ADAMTS3: variants seen among roughly 807,000 people sequenced by gnomAD.
ADAMTS3 encodes ADAM metallopeptidase with thrombospondin type 1 motif 3, also known as A disintegrin and metalloproteinase with thrombospondin motifs 3.
A neutral mutation model predicts 129.0 loss-of-function variants in ADAMTS3; 73 were observed. The observed-to-expected ratio is 0.57, with a 90% CI of 0.47 to 0.69. The LOEUF (loss-of-function observed/expected upper bound fraction) is 0.69, where lower values mean the gene tolerates loss of function less well. Ranked by LOEUF, ADAMTS3 falls within the 30% of genes least tolerant of loss-of-function variation. The pLI is 0.00. For missense variants in ADAMTS3, 1,457 were observed against 1,514.5 expected (o/e 0.96, Z 0.63); for synonymous variants, 477 against 510.8 (o/e 0.93, Z 0.89).
intron 2 of ADAMTS3, among the ~76,000 whole-genome samples, chr4:72,550,838 G>A (rs935583713): frequency 6.6e-6 from 1 of 152,154 alleles, no homozygotes; most frequent in Non-Finnish European, 1.5e-5. Context: ...TCAAGCCCTT[G>A]TATGTGTACT....
intron 20 of ADAMTS3, among the ~76,000 whole-genome samples, chr4:72,290,487 G>C (rs1476593807): frequency 2.6e-5 from 4 of 152,138 alleles, no homozygotes; most frequent in Non-Finnish European, 4.4e-5. Flanking sequence ...ACTCGAACTG[G>C]GACAAAGAGT....
intron 4 of ADAMTS3, among the ~76,000 whole-genome samples, chr4:72,382,574 C>T (rs1417668774): frequency 2.6e-5 from 4 of 152,114 alleles, no homozygotes; most frequent in African/African-American, 9.7e-5. Context: ...CAAGAAGATA[C>T]CTAAACCTGT....
intron 4 of ADAMTS3, among the ~76,000 whole-genome samples, chr4:72,346,117 A>T (rs768522564): frequency 1.3e-5 from 2 of 152,130 alleles, no homozygotes; most frequent in African/African-American, 2.4e-5. Flanking sequence ...ATTATTTCAA[A>T]ATGGTTACAC....
At chr4:72,440,590 C>A (rs1017908648) in intron 3 of ADAMTS3, among the ~76,000 whole-genome samples, 1 of 151,782 alleles carries the variant, frequency 6.6e-6, no homozygotes, top group Non-Finnish European at 1.5e-5. Context: ...CAGCACCTGG[C>A]CCAAAGCAGA....
chr4:72,318,724 G>T lies in ADAMTS3; in HGVS notation c.1353-20C>A. The T allele has an allele frequency of 6.2e-7, 1 of 1,606,134 alleles. No individual in the cohort carries two copies. The highest frequency in any genetic ancestry group is 2.2e-5 in the East Asian group (1 of 44,660). On this transcript the variant is annotated intron_variant, in intron 9 of 21. Transcript: ENST00000286657. ...TAGGAACTGTAGGAAGAAAAATATT[G>T]CATGTAGTTAAATGTTCACTTAAAA...
At chr4:72,384,405 G>A (rs1442639081) in intron 4 of ADAMTS3, among the ~76,000 whole-genome samples, 1 of 152,108 alleles carries the variant, frequency 6.6e-6, no homozygotes, top group Non-Finnish European at 1.5e-5. Context: ...AGAAGATCTT[G>A]AAAGGAGTTA....
At chr4:72,480,547 G>A (rs1349238086) in intron 3 of ADAMTS3, among the ~76,000 whole-genome samples, 1 of 151,828 alleles carries the variant, frequency 6.6e-6, no homozygotes, top group Non-Finnish European at 1.5e-5. Context: ...GACTGTTGTG[G>A]GGTCGGGGGA....
intron 18 of ADAMTS3, 21 bp from the exon 19 acceptor site, chr4:72,295,807 C>A (rs756920356): frequency 1.2e-6 from 2 of 1,606,552 alleles, no homozygotes; most frequent in Admixed American, 1.7e-5. Context: ...AAATAAAGTT[C>A]TTTGGATTTA....
intron 3 of ADAMTS3, among the ~76,000 whole-genome samples, chr4:72,479,555 A>C (rs930367764): frequency 1.3e-5 from 2 of 152,222 alleles, no homozygotes; most frequent in African/African-American, 4.8e-5. Flanking sequence ...AAGATGGATT[A>C]AAGACTTAAA....
chr4:72,507,199 C>T (rs952477484), intron 3 of ADAMTS3, among the ~76,000 whole-genome samples: 1 of 152,156 alleles, frequency 6.6e-6, no homozygotes, highest in African/African-American at 2.4e-5. Flanking sequence ...AACTACAAAG[C>T]ACCATCACTG....
intron 4 of ADAMTS3, among the ~76,000 whole-genome samples, chr4:72,376,015 G>A (rs1721125371): frequency 2.6e-5 from 4 of 152,164 alleles, no homozygotes; most frequent in African/African-American, 7.2e-5. Flanking sequence ...TAAGCCAGTA[G>A]CAGTACAGAT....
chr4:72,488,580 T>C (rs1036427595), intron 3 of ADAMTS3, among the ~76,000 whole-genome samples: 1 of 151,944 alleles, frequency 6.6e-6, no homozygotes, highest in African/African-American at 2.4e-5. Context: ...CATCTCCTGC[T>C]CTCTAGTTGA....
chr4:72,342,955 G>C (rs1019354584), intron 4 of ADAMTS3, among the ~76,000 whole-genome samples: 12 of 152,180 alleles, frequency 7.9e-5, no homozygotes, highest in African/African-American at 2.7e-4. Flanking sequence ...TTTAGGAACA[G>C]AGGTTTAACA....
intron 3 of ADAMTS3, among the ~76,000 whole-genome samples, chr4:72,512,837 T>C (rs1720352461): frequency 6.6e-6 from 1 of 152,216 alleles, no homozygotes; most frequent in Admixed American, 6.5e-5. Flanking sequence ...TTTGTTTCCT[T>C]GGCTCAGCCA....
chr4:72,523,330 T>C (rs1720724261), intron 3 of ADAMTS3, among the ~76,000 whole-genome samples: 1 of 152,034 alleles, frequency 6.6e-6, no homozygotes, highest in Non-Finnish European at 1.5e-5. Flanking sequence ...TAAAGTTCCT[T>C]CCTGTTAACA....
At chr4:72,370,953 C>T (rs1720990209) in intron 4 of ADAMTS3, among the ~76,000 whole-genome samples, 1 of 151,962 alleles carries the variant, frequency 6.6e-6, no homozygotes, top group Non-Finnish European at 1.5e-5. Flanking sequence ...AATGAATTAG[C>T]GTGGGACCTA....
chr4:72,320,046 A>T (rs1287327149), intron 7 of ADAMTS3, 83 bp from the exon 8 acceptor site: 9 of 1,112,052 alleles, frequency 8.1e-6, no homozygotes, highest in Non-Finnish European at 1.1e-5. Context: ...CCTAGGGGGA[A>T]AAAAGTAAAA....
At chr4:72,403,165 A>G (rs184565908) in intron 4 of ADAMTS3, among the ~76,000 whole-genome samples, 63 of 152,188 alleles carry the variant, frequency 4.1e-4, no homozygotes, top group African/African-American at 1.5e-3. Context: ...ATTGAAGAAG[A>G]CTAAAACAGA....
At chr4:72,542,288 C>T (rs1227595303) in intron 3 of ADAMTS3, among the ~76,000 whole-genome samples, 1 of 152,120 alleles carries the variant, frequency 6.6e-6, no homozygotes, top group Non-Finnish European at 1.5e-5. Flanking sequence ...TCTCAGCCTC[C>T]CGAGTCGCTG....
Sources: gnomAD v4.1 joint callset for allele counts (sites outside exome capture counted in the v4.1 genomes callset) on GRCh38, gnomAD v4.1.1 for gene constraint, MANE v1.5 for transcripts, NCBI Gene and HGNC (gene_info 2026-07-23, HGNC 2026-07-21) for gene names.